The following ANKRD31 variants were observed in gnomAD, a reference collection of about 807,000 sequenced individuals.
ANKRD31 encodes ankyrin repeat domain 31, also known as ankyrin repeat domain-containing protein 31.
A neutral mutation model predicts 186.0 loss-of-function variants in ANKRD31; 147 were observed. The ratio of observed to expected loss-of-function variants is 0.79; its 90% CI spans 0.69 to 0.91. ANKRD31 has a LOEUF of 0.91. Among genes scored for constraint, ANKRD31 ranks in the 40% least tolerant of loss-of-function variants. ANKRD31 has a pLI of 0.00. For missense variants in ANKRD31, 1,986 were observed against 2,148.8 expected, an observed-to-expected ratio of 0.92 and a Z score of 1.50; for synonymous variants, 673 against 736.4, an observed-to-expected ratio of 0.91 and a Z score of 1.39.
intron 9 of ANKRD31, among the ~76,000 whole-genome samples, chr5:75,191,017 T>C (rs539604307): frequency 6.6e-6 from 1 of 152,298 alleles, no homozygotes; most frequent in African/African-American, 2.4e-5. Context: ...AAAAGAATTT[T>C]TATCATTCTT....
At chr5:75,182,064 G>A (rs1754350628) in intron 10 of ANKRD31, among the ~76,000 whole-genome samples, 1 of 152,126 alleles carries the variant, frequency 6.6e-6, no homozygotes, top group Non-Finnish European at 1.5e-5. Context: ...AAATAAATAT[G>A]TAGAATCTAG....
intron 10 of ANKRD31, among the ~76,000 whole-genome samples, chr5:75,180,760 G>A (rs1021365794): frequency 4.6e-5 from 7 of 152,214 alleles, no homozygotes; most frequent in African/African-American, 1.7e-4. Flanking sequence ...TTACATGTTA[G>A]ACCTAAAACC....
At chr5:75,203,143 A>T (rs1020163894) in intron 5 of ANKRD31, among the ~76,000 whole-genome samples, 6 of 152,104 alleles carry the variant, frequency 3.9e-5, no homozygotes. Flanking sequence ...AGCCTATGAG[A>T]CTTGTGACTC....
intron 23 of ANKRD31, among the ~76,000 whole-genome samples, chr5:75,085,137 C>G (rs1745382569): frequency 6.6e-6 from 1 of 152,102 alleles, no homozygotes; most frequent in Non-Finnish European, 1.5e-5. Flanking sequence ...TCCCTATAAC[C>G]TCTAGTTTCA....
chr5:75,095,146 C>G (rs1746217833), intron 22 of ANKRD31, among the ~76,000 whole-genome samples: 2 of 152,062 alleles, frequency 1.3e-5, no homozygotes, highest in South Asian at 4.2e-4. Context: ...TTTCATTTTC[C>G]ATGGTCAACA....
At chr5:75,096,325 T>C (rs1169955979) in intron 22 of ANKRD31, among the ~76,000 whole-genome samples, 2 of 152,240 alleles carry the variant, frequency 1.3e-5, no homozygotes, top group Non-Finnish European at 2.9e-5. Context: ...TTTTGAGAAG[T>C]GTCCATGTCC....
chr5:75,105,550 A>G (rs781684342), intron 21 of ANKRD31, among the ~76,000 whole-genome samples: 1 of 152,174 alleles, frequency 6.6e-6, no homozygotes, highest in Non-Finnish European at 1.5e-5. Flanking sequence ...AACTTGGATC[A>G]TCTATCTAAA....
At chr5:75,106,506 T>G (rs1053301052) in intron 21 of ANKRD31, among the ~76,000 whole-genome samples, 5 of 151,940 alleles carry the variant, frequency 3.3e-5, no homozygotes, top group African/African-American at 1.2e-4. Context: ...ATACATAATA[T>G]CAAACTTAAA....
At chr5:75,185,037 G>T (rs1289920869) in intron 10 of ANKRD31, among the ~76,000 whole-genome samples, 1 of 152,130 alleles carries the variant, frequency 6.6e-6, no homozygotes, top group Non-Finnish European at 1.5e-5. Context: ...CATAAAAAAA[G>T]AATAAAATTC....
At chr5:75,075,451 A>C (rs565149644) in intron 25 of ANKRD31, among the ~76,000 whole-genome samples, 51 of 152,364 alleles carry the variant, frequency 3.3e-4, no homozygotes, top group Non-Finnish European at 6.8e-4. Flanking sequence ...CATGCGAGAC[A>C]AGAAAGGGAA....
At chr5:75,072,410 G>T (rs1744308772) in intron 25 of ANKRD31, among the ~76,000 whole-genome samples, 1 of 152,054 alleles carries the variant, frequency 6.6e-6, no homozygotes, top group South Asian at 2.1e-4. Context: ...CAGATGTGAT[G>T]GCTAGAGATT....
At chr5:75,192,600 C>A in intron 9 of ANKRD31, 67 bp downstream of exon 9, 1 of 1,230,244 alleles carries the variant, frequency 8.1e-7, no homozygotes, top group Non-Finnish European at 1.1e-6. Context: ...GAAAGATAAT[C>A]TCTGAATCCT....
intron 3 of ANKRD31, among the ~76,000 whole-genome samples, chr5:75,213,297 C>G (rs1756765160): frequency 6.6e-6 from 1 of 152,162 alleles, no homozygotes; most frequent in Non-Finnish European, 1.5e-5. Flanking sequence ...TACTAAAGGA[C>G]CAGTGACTTT....
At chr5:75,087,246 T>C (rs1212346818) in intron 23 of ANKRD31, among the ~76,000 whole-genome samples, 1 of 152,136 alleles carries the variant, frequency 6.6e-6, no homozygotes, top group Non-Finnish European at 1.5e-5. Flanking sequence ...GCATGGTGAC[T>C]CATACCTGTA....
intron 3 of ANKRD31, among the ~76,000 whole-genome samples, chr5:75,218,501 A>G (rs148838771): frequency 3.1e-4 from 47 of 152,260 alleles, no homozygotes; most frequent in African/African-American, 1.1e-3. Flanking sequence ...TTCACAGCTG[A>G]ATTATAACAG....
At position 75,137,791 on chromosome 5, in the gene ANKRD31, T is replaced by C. The variant is rs751258762; in HGVS notation, c.3876+65A>G. 10 of 1,296,144 alleles carry C rather than the reference T, an allele frequency of 7.7e-6. No individual in the cohort carries two copies. In the Admixed American group the frequency reaches 2.5e-4, roughly 33 times the overall value. The allele number at this position is 1,296,144 out of a possible 1,614,324, so 80.3% of individuals were successfully genotyped here. On this transcript the variant is annotated intron_variant, in intron 17 of 25. Transcript: ENST00000506364. Reference sequence around the variant, plus strand: ...TCATTTTAGTTCTCAGTTTAAAAAATCTTCATTTTCTTCATTCATTTCCTA... The same window carrying C: ...TCATTTTAGTTCTCAGTTTAAAAAACCTTCATTTTCTTCATTCATTTCCTA...
intron 23 of ANKRD31, among the ~76,000 whole-genome samples, chr5:75,087,350 T>C (rs995404984): frequency 2.0e-5 from 3 of 151,686 alleles, no homozygotes; most frequent in African/African-American, 7.3e-5. Context: ...CTACTAAAAA[T>C]ACAAAAATTA....
intron 22 of ANKRD31, among the ~76,000 whole-genome samples, chr5:75,095,191 C>T (rs1746221370): frequency 6.6e-6 from 1 of 151,984 alleles, no homozygotes; most frequent in Non-Finnish European, 1.5e-5. Context: ...AATTCTTGGC[C>T]GGGCATGGTG....
intron 5 of ANKRD31, among the ~76,000 whole-genome samples, chr5:75,201,076 A>G (rs1217650778): frequency 6.6e-6 from 1 of 152,174 alleles, no homozygotes; most frequent in African/African-American, 2.4e-5. Context: ...TATCTGCTGA[A>G]CCTCAAAATG....
Sources: gnomAD v4.1 joint callset for allele counts (sites outside exome capture counted in the v4.1 genomes callset) on GRCh38, gnomAD v4.1.1 for gene constraint, MANE v1.5 for transcripts, NCBI Gene and HGNC (gene_info 2026-07-23, HGNC 2026-07-21) for gene names.